Variants in SLC24A3 observed in about 807,000 individuals in gnomAD.
SLC24A3 encodes the protein solute carrier family 24 member 3.
In SLC24A3, 28 loss-of-function variants were observed where a neutral mutation model predicts 75.8. That is an observed-to-expected ratio of 0.37 (90% confidence interval 0.27 to 0.51). SLC24A3 has a LOEUF of 0.51. SLC24A3 is among the 20% of genes least tolerant of loss of function. The pLI is 0.94. For synonymous variants in SLC24A3, 372 were observed against 334.1 expected (o/e 1.11, Z -1.24); for missense variants, 663 against 847.8 (o/e 0.78, Z 2.71).
intron 2 of SLC24A3, among the ~76,000 whole-genome samples, chr20:19,353,946 C>G (rs769876426): frequency 6.6e-6 from 1 of 152,122 alleles, no homozygotes; most frequent in Non-Finnish European, 1.5e-5. Context: ...GCCATTCCAC[C>G]CTTAGGTATT....
At chr20:19,558,365 G>A (rs192679847) in intron 3 of SLC24A3, among the ~76,000 whole-genome samples, 95 of 152,212 alleles carry the variant, frequency 6.2e-4, no homozygotes, top group African/African-American at 2.2e-3. Context: ...ATAGCACAGA[G>A]AATTCTCTTA....
chr20:19,703,712 A>G (rs957501901), intron 15 of SLC24A3, among the ~76,000 whole-genome samples: 1 of 152,224 alleles, frequency 6.6e-6, no homozygotes, highest in Non-Finnish European at 1.5e-5. Flanking sequence ...TTAATTTTCC[A>G]GAAGCTTTTG....
chr20:19,486,848 G>A (rs1333937950), intron 2 of SLC24A3, among the ~76,000 whole-genome samples: 1 of 152,174 alleles, frequency 6.6e-6, no homozygotes, highest in Non-Finnish European at 1.5e-5. Context: ...CAATAAAGAC[G>A]TGCTACTGCA....
chr20:19,316,176 T>C lies in SLC24A3; in HGVS notation c.271+35089T>C, dbSNP rs184893389. Among the ~76,000 whole-genome samples, 291 of 152,338 alleles carry C rather than the reference T, an allele frequency of 1.9e-3. 3 individuals are homozygous for C. The highest frequency in any genetic ancestry group is 6.3e-3 in the African/African-American group (262 of 41,574). On this transcript the variant is annotated intron_variant, in intron 2 of 16. Transcript: ENST00000328041. ...AAGTACACTTTCTACTGAATGTGCA[T>C]CACTTTCTACCGTCACAAAGTGGAG... is the stretch of plus-strand genomic sequence containing the variant.
At chr20:19,482,756 A>T (rs1264617622) in intron 2 of SLC24A3, among the ~76,000 whole-genome samples, 1 of 152,232 alleles carries the variant, frequency 6.6e-6, no homozygotes, top group Non-Finnish European at 1.5e-5. Flanking sequence ...GGACAGTGAG[A>T]ACCCTTCTGC....
intron 6 of SLC24A3, among the ~76,000 whole-genome samples, chr20:19,640,860 TA>T (rs1415295181): frequency 1.3e-5 from 2 of 152,254 alleles, no homozygotes; most frequent in African/African-American, 4.8e-5. Context: ...AAACTTAATT[TA>T]TGACCCTTTT....
At chr20:19,289,674 T>G (rs1211879771) in intron 2 of SLC24A3, among the ~76,000 whole-genome samples, 1 of 152,166 alleles carries the variant, frequency 6.6e-6, no homozygotes, top group East Asian at 1.9e-4. Flanking sequence ...TGCTTCCTCC[T>G]GGCCTGGGAG....
chr20:19,532,099 G>A (rs1013616077), intron 3 of SLC24A3, among the ~76,000 whole-genome samples: 5 of 152,222 alleles, frequency 3.3e-5, no homozygotes, highest in Non-Finnish European at 7.3e-5. Flanking sequence ...TGGCTTAGAA[G>A]GAAGTCCAGC....
At chr20:19,476,360 C>A (rs1317025941) in intron 2 of SLC24A3, among the ~76,000 whole-genome samples, 1 of 152,090 alleles carries the variant, frequency 6.6e-6, no homozygotes, top group Non-Finnish European at 1.5e-5. Context: ...TCCTGCTGTG[C>A]AATATTAAAT....
chr20:19,626,548 A>C (rs1339457170), intron 6 of SLC24A3, among the ~76,000 whole-genome samples: 2 of 152,220 alleles, frequency 1.3e-5, no homozygotes, highest in Non-Finnish European at 2.9e-5. Context: ...TCTTGGTCCT[A>C]TTCTCCTGGG....
At chr20:19,486,459 A>G (rs1052494790) in intron 2 of SLC24A3, among the ~76,000 whole-genome samples, 22 of 152,224 alleles carry the variant, frequency 1.4e-4, no homozygotes, top group African/African-American at 5.3e-4. Flanking sequence ...AAAGTAAATG[A>G]AAATTTCCGA....
At chr20:19,608,681 A>G (rs1392206105) in intron 6 of SLC24A3, among the ~76,000 whole-genome samples, 1 of 152,224 alleles carries the variant, frequency 6.6e-6, no homozygotes, top group Non-Finnish European at 1.5e-5. Flanking sequence ...GGTGTAATGT[A>G]TAATGGAGGC....
rs1555783960 is a variant in SLC24A3, at chr20:19,252,643, C to CGGCGGG, written c.143-28314_143-28313insCGGGGG. Among the ~76,000 whole-genome samples the CGGCGGG allele has an allele frequency of 4.5e-5, 6 of 133,446 alleles. No homozygotes were observed. In the South Asian group the frequency reaches 1.0e-3, roughly 23 times the overall value. 87.5% of individuals were successfully genotyped at this position (133,446 alleles called of 152,430 possible). A position where few individuals can be genotyped will look rare whatever the true frequency, so the allele number is the denominator to read the frequency against. On this transcript the variant is annotated intron_variant, in intron 1 of 16. Transcript: ENST00000328041. Reference sequence around the variant, plus strand: ...AACAAAAAGCCTGAAATTGGAATGGCGGGGGGGGGTGCCTGTTCCAGAAAC... The same window carrying CGGCGGG: ...AACAAAAAGCCTGAAATTGGAATGGCGGCGGGGGGGGGGGGTGCCTGTTCCAGAAAC...
Position 19,371,572 on chromosome 20 carries a change from T to C in SLC24A3, c.271+90485T>C, listed in dbSNP as rs554526899. Among the ~76,000 whole-genome samples, 5 of 152,314 alleles carry C rather than the reference T, an allele frequency of 3.3e-5. No individual in the cohort carries two copies. The South Asian group carries it at 1.0e-3, about 32-fold the overall frequency. ...AAAAAGGGATTTGGGTCCCCCAGGTTCCTACCATTGGTAATAAACCCCACC... is the reference window on the plus strand; with the variant it reads ...AAAAAGGGATTTGGGTCCCCCAGGTCCCTACCATTGGTAATAAACCCCACC... On this transcript the variant is annotated intron_variant, in intron 2 of 16. Coordinates refer to ENST00000328041, the MANE Select transcript of SLC24A3 (RefSeq NM_020689.4).
chr20:19,713,948 G>C (rs779602922), intron 15 of SLC24A3, among the ~76,000 whole-genome samples: 2 of 152,096 alleles, frequency 1.3e-5, no homozygotes, highest in Non-Finnish European at 2.9e-5. Flanking sequence ...TAAACCAGAG[G>C]GTTGCAAACA....
chr20:19,388,977 G>T (rs2179822), intron 2 of SLC24A3, among the ~76,000 whole-genome samples: 3 of 151,582 alleles, frequency 2.0e-5, no homozygotes, highest in African/African-American at 7.3e-5. Flanking sequence ...GTAGTGATGC[G>T]CTTTGATTCT....
rs1467169189 is a variant in SLC24A3, at chr20:19,212,827, G to C, written c.-16G>C. On this transcript the variant is annotated 5_prime_UTR_variant, in exon 1 of 17. Coordinates refer to ENST00000328041, the MANE Select transcript of SLC24A3 (RefSeq NM_020689.4). Reference sequence around the variant, plus strand: ...GCGGCCGCCGCCCGCCGAGGCCGCCGCCCGGCCGCCCGAGGATGCGGCCGT... The same window carrying C: ...GCGGCCGCCGCCCGCCGAGGCCGCCCCCCGGCCGCCCGAGGATGCGGCCGT... 1.0e-6 allele frequency: 1 copy of C among 988,856 alleles called. No individual in the cohort carries two copies. The allele number at this position is 988,856 out of a possible 1,614,324, so 61.3% of individuals were successfully genotyped here. A position where few individuals can be genotyped will look rare whatever the true frequency, so the allele number is the denominator to read the frequency against.
At chr20:19,315,339 G>A (rs1315027831) in intron 2 of SLC24A3, among the ~76,000 whole-genome samples, 1 of 152,208 alleles carries the variant, frequency 6.6e-6, no homozygotes, top group Non-Finnish European at 1.5e-5. Context: ...CTGTTAGGAC[G>A]AGATCACTGG....
At chr20:19,486,232 G>A (rs1988125485) in intron 2 of SLC24A3, among the ~76,000 whole-genome samples, 1 of 152,144 alleles carries the variant, frequency 6.6e-6, no homozygotes, top group Non-Finnish European at 1.5e-5. Flanking sequence ...CTAGAAATAA[G>A]TATTACCATA....
Sources: gnomAD v4.1 joint callset for allele counts (sites outside exome capture counted in the v4.1 genomes callset) on GRCh38, gnomAD v4.1.1 for gene constraint, MANE v1.5 for transcripts, NCBI Gene and HGNC (gene_info 2026-07-23, HGNC 2026-07-21) for gene names.